GABRG3: variants seen among roughly 807,000 people sequenced by gnomAD.
GABRG3 encodes gamma-aminobutyric acid receptor subunit gamma-3.
A neutral mutation model predicts 48.8 loss-of-function variants in GABRG3; 25 were observed. That is an observed-to-expected ratio of 0.51 (90% CI 0.37 to 0.72). The LOEUF is 0.72. Among genes scored for constraint, GABRG3 ranks in the 30% least tolerant of loss-of-function variants. The pLI, the probability that GABRG3 is intolerant of heterozygous loss-of-function variation, is 0.00. For synonymous variants in GABRG3, 227 were observed against 217.6 expected, an observed-to-expected ratio of 1.04 and a Z score of -0.38; for missense variants, 394 against 577.9, an observed-to-expected ratio of 0.68 and a Z score of 3.26.
chr15:27,248,799 CACACAGAGAGAGAGAG>C (rs1309895149), intron 3 of GABRG3, among the ~76,000 whole-genome samples: 1 of 115,508 alleles, frequency 8.7e-6, no homozygotes, highest in Non-Finnish European at 1.8e-5. Context: ...CACACACACA[CACACAGAGAGAGAGAG>C]AGAGAGAGAG....
At chr15:27,510,894 T>G (rs1890880522) in intron 6 of GABRG3, among the ~76,000 whole-genome samples, 1 of 151,096 alleles carries the variant, frequency 6.6e-6, no homozygotes, top group Non-Finnish European at 1.5e-5. Flanking sequence ...TATGTAATAC[T>G]TTAAATATTT....
intron 3 of GABRG3, among the ~76,000 whole-genome samples, chr15:27,167,966 G>A (rs1413088947): frequency 1.3e-5 from 2 of 152,168 alleles, no homozygotes; most frequent in African/African-American, 2.4e-5. Flanking sequence ...TCAGATGCCC[G>A]CTAGGCGAGC....
At chr15:27,469,975 A>G (rs1177138884) in intron 5 of GABRG3, among the ~76,000 whole-genome samples, 1 of 152,194 alleles carries the variant, frequency 6.6e-6, no homozygotes, top group Non-Finnish European at 1.5e-5. Context: ...TGGTGCTCCC[A>G]GATTCATCGG....
At chr15:27,193,683 A>T (rs932398306) in intron 3 of GABRG3, among the ~76,000 whole-genome samples, 2 of 152,304 alleles carry the variant, frequency 1.3e-5, no homozygotes, top group Admixed American at 1.3e-4. Flanking sequence ...GAGTGAGGCA[A>T]TGCCTCTCCC....
intron 3 of GABRG3, among the ~76,000 whole-genome samples, chr15:27,106,643 C>T (rs184988524): frequency 6.6e-6 from 1 of 151,926 alleles, no homozygotes; most frequent in African/African-American, 2.4e-5. Flanking sequence ...AAAGCTGGAT[C>T]TTCAAAAAGT....
chr15:27,501,663 A>T (rs900297290), intron 6 of GABRG3, among the ~76,000 whole-genome samples: 2 of 152,176 alleles, frequency 1.3e-5, no homozygotes, highest in African/African-American at 4.8e-5. Context: ...GAGCGGATTT[A>T]TACAAAGGAA....
chr15:27,037,312 A>G (rs1043566059), intron 3 of GABRG3, among the ~76,000 whole-genome samples: 9 of 152,210 alleles, frequency 5.9e-5, no homozygotes, highest in Admixed American at 5.2e-4. Context: ...CTGTCCATAT[A>G]TAAGAGATTC....
In GABRG3 at chr15:27,541,211, T is replaced by A. The variant is rs906119652; in HGVS notation, c.*8330T>A. On this transcript the variant is annotated 3_prime_UTR_variant, in exon 10 of 10. Transcript: ENST00000615808. ...CGGGGTGCACACCTGGGCGACTCCT[T>A]GATCATTCGTGCATTCTGGTCAAGT... 2.0e-5 allele frequency: 3 copies of A among 152,252 alleles called. No homozygotes were observed. The highest frequency in any genetic ancestry group is 4.4e-5 in the Non-Finnish European group (3 of 68,064). The allele number at this position is 152,252 out of a possible 1,614,324, so 9.4% of individuals were successfully genotyped here. A position where few individuals can be genotyped will look rare whatever the true frequency, so the allele number is the denominator to read the frequency against.
At chr15:27,099,493 A>G (rs1267128136) in intron 3 of GABRG3, among the ~76,000 whole-genome samples, 1 of 152,102 alleles carries the variant, frequency 6.6e-6, no homozygotes, top group Non-Finnish European at 1.5e-5. Flanking sequence ...TTTTTGTATT[A>G]GATTAGAACC....
chr15:27,069,196 A>G (rs1325921977), intron 3 of GABRG3, among the ~76,000 whole-genome samples: 1 of 152,218 alleles, frequency 6.6e-6, no homozygotes, highest in Non-Finnish European at 1.5e-5. Context: ...CAAGCTGCTC[A>G]GTGCTTCTTA....
intron 3 of GABRG3, among the ~76,000 whole-genome samples, chr15:27,085,019 A>G (rs780228314): frequency 3.0e-4 from 46 of 152,230 alleles, no homozygotes; most frequent in Non-Finnish European, 6.5e-4. Context: ...CATAGAAGTG[A>G]CTTTTGGCAG....
At chr15:27,322,633 G>A (rs1349100240) in intron 3 of GABRG3, among the ~76,000 whole-genome samples, 2 of 152,128 alleles carry the variant, frequency 1.3e-5, no homozygotes, top group Admixed American at 6.6e-5. Flanking sequence ...AATCCAATCC[G>A]ACACTTGCAT....
chr15:27,021,688 A>T (rs75809988), intron 2 of GABRG3, among the ~76,000 whole-genome samples: 8,299 of 152,106 alleles, frequency 0.055, 403 homozygotes, highest in East Asian at 0.24. Context: ...AAAAAAAATT[A>T]AAAAATTAGC....
intron 3 of GABRG3, among the ~76,000 whole-genome samples, chr15:27,168,888 A>T (rs1887469623): frequency 6.6e-6 from 1 of 152,254 alleles, no homozygotes; most frequent in African/African-American, 2.4e-5. Context: ...TGAGAAAACC[A>T]TTCTAGCCAA....
Position 27,527,977 on chromosome 15 carries a change from C to T in GABRG3, c.1107C>T (p.Ser369=). 1.3e-6 allele frequency: 2 copies of T among 1,597,726 alleles called. No homozygotes were observed. Among genetic ancestry groups the T allele is most frequent in the Non-Finnish European group, 1.7e-6 (2 of 1,170,844 alleles). Residue 369 remains serine, a synonymous_variant, in exon 9 of 10, where the codon AGC becomes AGT. Coordinates refer to ENST00000615808, the MANE Select transcript of GABRG3 (RefSeq NM_033223.5). ...CAAGATGGATTCCTGAGCGAATAAG[C>T]CTACAAGCCCCTTCCGTACGTATAG... The part of the protein sequence containing the change: ...DSSRWIPERI[S]LQAPSNYSLL...
chr15:27,151,084 C>T (rs963653687), intron 3 of GABRG3, among the ~76,000 whole-genome samples: 4 of 152,156 alleles, frequency 2.6e-5, no homozygotes, highest in Admixed American at 2.6e-4. Context: ...ACAGGGATTC[C>T]TCTGTAGCCT....
At chr15:27,178,971 A>G (rs540026828) in intron 3 of GABRG3, among the ~76,000 whole-genome samples, 14 of 152,316 alleles carry the variant, frequency 9.2e-5, no homozygotes, top group Admixed American at 3.3e-4. Context: ...TCTGGTTTCT[A>G]TGACCTGCCT....
At chr15:27,308,303 T>C (rs1038323522) in intron 3 of GABRG3, among the ~76,000 whole-genome samples, 4 of 120,570 alleles carry the variant, frequency 3.3e-5, no homozygotes. Context: ...ATAAACATCA[T>C]ATAAACATAT....
At chr15:27,260,759 T>A (rs147758468) in intron 3 of GABRG3, among the ~76,000 whole-genome samples, 104 of 152,156 alleles carry the variant, frequency 6.8e-4, no homozygotes, top group Middle Eastern at 3.4e-3. Flanking sequence ...AGACACTGGA[T>A]CCAGGAAACA....
Sources: allele counts gnomAD v4.1 joint callset (sites outside exome capture counted in the v4.1 genomes callset), GRCh38; gene constraint gnomAD v4.1.1; transcripts MANE v1.5; gene names NCBI Gene and HGNC (gene_info 2026-07-23, HGNC 2026-07-21).